ACSL4: variants seen among roughly 807,000 people sequenced by gnomAD.
The protein encoded by ACSL4 is acyl-CoA synthetase long chain family member 4, also known as long-chain-fatty-acid--CoA ligase 4.
A neutral mutation model predicts 49.1 loss-of-function variants in ACSL4; 9 were observed. The observed-to-expected ratio is 0.18, with a 90% confidence interval of 0.11 to 0.32. The LOEUF (loss-of-function observed/expected upper bound fraction) is 0.32. ACSL4 is among the 10% of genes least tolerant of loss of function. The pLI is 1.00. For synonymous variants in ACSL4, 191 were observed against 170.3 expected (o/e 1.12, Z -0.95); for missense variants, 333 against 493.7 (o/e 0.67, Z 3.08).
At chrX:109,694,962 A>G (rs911698108) in intron 2 of ACSL4, among the ~76,000 whole-genome samples, 1 of 111,923 alleles carries the variant, frequency 8.9e-6, no homozygotes, top group African/African-American at 3.2e-5. Context: ...AATCAGTTTG[A>G]GAGACAGCCT....
Position 109,724,418 on chromosome X carries a change from T to G in ACSL4, c.-66+8721A>C, listed in dbSNP as rs761801008. Among the ~76,000 whole-genome samples, 15 of 111,276 alleles carry G rather than the reference T, an allele frequency of 1.3e-4. 3 individuals are homozygous for G. In the South Asian group the frequency reaches 1.5e-3, roughly 11 times the overall value. ...GCCTCCCAAGTATCTGGGACTACAG[T>G]TGTGCATCACCATGCCTGGCTAATT... On this transcript the variant is annotated intron_variant, in intron 1 of 15. Transcript: ENST00000672401.
intron 8 of ACSL4, 129 bp downstream of exon 8, chrX:109,677,859 C>T: frequency 1.1e-6 from 1 of 876,202 alleles, no homozygotes; most frequent in South Asian, 2.1e-5. Flanking sequence ...ACATATTGTT[C>T]ATGGAAGCTA....
intron 14 of ACSL4, among the ~76,000 whole-genome samples, chrX:109,660,449 T>A (rs1048278751): frequency 2.7e-5 from 3 of 111,665 alleles, no homozygotes; most frequent in Non-Finnish European, 5.7e-5. Flanking sequence ...AGTGAAGAAG[T>A]GGAGGAACTA....
At chrX:109,723,067 C>T (rs922723053) in intron 1 of ACSL4, among the ~76,000 whole-genome samples, 5 of 110,985 alleles carry the variant, frequency 4.5e-5, no homozygotes, top group African/African-American at 1.6e-4. Flanking sequence ...AATACTTCAT[C>T]GATAGCAGAA....
At chrX:109,683,655 A>G in intron 2 of ACSL4, 2 of 443,926 alleles carry the variant, frequency 4.5e-6, no homozygotes, top group Non-Finnish European at 7.8e-6. Flanking sequence ...GGAAGCCGAC[A>G]ATAAAGTACG....
Position 109,671,525 on chromosome X carries a change from G to A in ACSL4, c.1003-2352C>T, listed in dbSNP as rs1000172317. Among the ~76,000 whole-genome samples, 12 of 111,984 alleles carry A rather than the reference G, an allele frequency of 1.1e-4. No homozygotes were observed. In the East Asian group the frequency reaches 1.7e-3, roughly 16 times the overall value. On this transcript the variant is annotated intron_variant, in intron 9 of 15. Transcript: ENST00000672401. Reference sequence around the variant, plus strand: ...GCGGGCGCCTCTGCCTGGCCGCCCCGTCTGGGAGGTGAGGAGCCCCTCTGC... The same window carrying A: ...GCGGGCGCCTCTGCCTGGCCGCCCCATCTGGGAGGTGAGGAGCCCCTCTGC...
chrX:109,667,413 C>T (rs1264914951), intron 11 of ACSL4, among the ~76,000 whole-genome samples: 1 of 112,477 alleles, frequency 8.9e-6, no homozygotes, highest in Non-Finnish European at 1.9e-5. Flanking sequence ...GGAAACCTCG[C>T]TTCAGGCTGT....
At chrX:109,677,213 C>T (rs1184767245) in intron 8 of ACSL4, among the ~76,000 whole-genome samples, 13 of 109,956 alleles carry the variant, frequency 1.2e-4, no homozygotes, top group Admixed American at 1.2e-3. Flanking sequence ...CCACCCGCCT[C>T]GGCCTCCCAA....
chrX:109,677,483 TTA>T lies in ACSL4; in HGVS notation c.930+503_930+504del, dbSNP rs770542043. 3.4e-4 allele frequency among the ~76,000 whole-genome samples: 38 copies of T among 111,172 alleles called. No homozygotes were observed. The South Asian group carries it at 0.014, about 42-fold the overall frequency. Reference sequence around the variant, plus strand: ...AAAAGATAAAAGTAATTATTCATTTTTAAATAATTTTAAGGCTGGGCACAGTG... The same window carrying T: ...AAAAGATAAAAGTAATTATTCATTTTAATAATTTTAAGGCTGGGCACAGTG... On this transcript the variant is annotated intron_variant, in intron 8 of 15. Transcript: ENST00000672401.
intron 9 of ACSL4, among the ~76,000 whole-genome samples, chrX:109,670,414 G>A (rs1268265906): frequency 2.8e-5 from 3 of 108,976 alleles, no homozygotes; most frequent in Admixed American, 9.7e-5. Flanking sequence ...GTGAAACCCC[G>A]TCTCTACCAA....
intron 15 of ACSL4, among the ~76,000 whole-genome samples, chrX:109,644,833 C>T (rs758831496): frequency 1.4e-3 from 160 of 112,678 alleles, no homozygotes; most frequent in African/African-American, 4.6e-3. Flanking sequence ...GCACCATGCG[C>T]GAGCCGAAGC....
chrX:109,693,255 C>T (rs1179378114), intron 2 of ACSL4, among the ~76,000 whole-genome samples: 2 of 108,534 alleles, frequency 1.8e-5, no homozygotes, highest in African/African-American at 3.4e-5. Context: ...AAAATTGTAT[C>T]GTGATTTAAA....
At chrX:109,714,033 T>C (rs1203091362) in intron 1 of ACSL4, among the ~76,000 whole-genome samples, 6 of 112,127 alleles carry the variant, frequency 5.4e-5, no homozygotes, top group South Asian at 3.7e-4. Flanking sequence ...GACACTCTTA[T>C]AGGAGATGAC....
At chrX:109,654,288 A>T (rs1400337712) in intron 15 of ACSL4, among the ~76,000 whole-genome samples, 1 of 111,090 alleles carries the variant, frequency 9.0e-6, no homozygotes, top group Non-Finnish European at 1.9e-5. Flanking sequence ...CCAAAGATAA[A>T]CTACTCTCAA....
chrX:109,723,663 TCA>T (rs1299542056), intron 1 of ACSL4, among the ~76,000 whole-genome samples: 10 of 112,516 alleles, frequency 8.9e-5, no homozygotes, highest in Admixed American at 7.5e-4. Flanking sequence ...TGCCAAATTT[TCA>T]CAGTTACAAA....
chrX:109,705,868 T>C (rs1926315828), intron 1 of ACSL4, among the ~76,000 whole-genome samples: 1 of 112,325 alleles, frequency 8.9e-6, no homozygotes, highest in Non-Finnish European at 1.9e-5. Context: ...TGGCTAATTT[T>C]GTATTTTTAG....
chrX:109,657,112 T>C (rs963052636), intron 15 of ACSL4, among the ~76,000 whole-genome samples: 1 of 111,871 alleles, frequency 8.9e-6, no homozygotes. Flanking sequence ...TGGTTTCAAT[T>C]ATCCCCGAGT....
At chrX:109,709,704 T>C (rs1040177594) in intron 1 of ACSL4, among the ~76,000 whole-genome samples, 21 of 112,715 alleles carry the variant, frequency 1.9e-4, no homozygotes, top group African/African-American at 6.8e-4. Flanking sequence ...AATTAACTTT[T>C]ACTCCAAAGT....
In ACSL4 at chrX:109,717,602, T is replaced by A. The variant is rs774234818; in HGVS notation, c.-66+15537A>T. Among the ~76,000 whole-genome samples the A allele has an allele frequency of 7.6e-4, 85 of 111,865 alleles. No homozygotes were observed. The Admixed American group carries it at 7.9e-3, about 10-fold the overall frequency. ...TGCCTGAAAGTAGAAGGGAATGACATTGAGGTTCAGAGCCTTGTGCCAAGC... is the reference window on the plus strand; with the variant it reads ...TGCCTGAAAGTAGAAGGGAATGACAATGAGGTTCAGAGCCTTGTGCCAAGC... On this transcript the variant is annotated intron_variant, in intron 1 of 15. Coordinates refer to ENST00000672401, the MANE Select transcript of ACSL4 (RefSeq NM_001318510.2).
Sources: allele counts gnomAD v4.1 joint callset (sites outside exome capture counted in the v4.1 genomes callset), GRCh38; gene constraint gnomAD v4.1.1; transcripts MANE v1.5; gene names NCBI Gene and HGNC (gene_info 2026-07-23, HGNC 2026-07-21).